Variants in OARD1 observed in about 807,000 individuals in gnomAD.
The protein encoded by OARD1 is ADP-ribose glycohydrolase OARD1.
A neutral mutation model predicts 19.7 loss-of-function variants in OARD1; 19 were observed. The observed-to-expected ratio is 0.96, with a 90% CI of 0.67 to 1.41. The LOEUF (loss-of-function observed/expected upper bound fraction) is 1.41. Ranked by LOEUF, OARD1 falls within the 40% of genes most tolerant of loss-of-function variation. OARD1 has a pLI of 0.00. For synonymous variants in OARD1, 70 were observed against 61.8 expected (o/e 1.13, Z -0.62); for missense variants, 190 against 183.8 (o/e 1.03, Z -0.20).
chr6:41,091,523 T>TA, intron 1 of OARD1: 1 of 1,612,746 alleles, frequency 6.2e-7, no homozygotes, highest in Non-Finnish European at 8.5e-7. Context: ...TTTGTTTTCT[T>TA]AAAGTTACAG....
intron 3 of OARD1, 105 bp downstream of exon 3, chr6:41,071,027 T>C (rs536472067): frequency 2.5e-6 from 3 of 1,212,004 alleles, no homozygotes; most frequent in Non-Finnish European, 3.7e-6. Context: ...TTAAAAACAT[T>C]TGGTTCTTAG....
intron 1 of OARD1, among the ~76,000 whole-genome samples, chr6:41,084,574 AAAT>A (rs749967221): frequency 2.9e-4 from 44 of 152,398 alleles, no homozygotes; most frequent in Non-Finnish European, 4.4e-4. Context: ...AGGATAAATA[AAAT>A]CTAGATTGTT....
intron 1 of OARD1, chr6:41,089,772 T>G: frequency 1.3e-6 from 2 of 1,575,720 alleles, no homozygotes; most frequent in Non-Finnish European, 1.7e-6. Flanking sequence ...GATAACTGAG[T>G]CAGATATTTC....
chr6:41,093,535 A>C (rs1582036617), intron 1 of OARD1, among the ~76,000 whole-genome samples: 1 of 151,804 alleles, frequency 6.6e-6, no homozygotes, highest in African/African-American at 2.4e-5. Flanking sequence ...CAGTGGCACA[A>C]TCTCAGCTCA....
At chr6:41,080,431 G>A (rs1485023161) in intron 1 of OARD1, among the ~76,000 whole-genome samples, 1 of 152,096 alleles carries the variant, frequency 6.6e-6, no homozygotes, top group Non-Finnish European at 1.5e-5. Flanking sequence ...ATTTTTTATG[G>A]TAGTTTCAGG....
At chr6:41,090,258 C>T in intron 1 of OARD1, 1 of 1,614,000 alleles carries the variant, frequency 6.2e-7, no homozygotes, top group South Asian at 1.1e-5. Flanking sequence ...TGCTGAAGGG[C>T]AGACCATCGT....
chr6:41,086,305 A>T (rs1217722392), intron 1 of OARD1, among the ~76,000 whole-genome samples: 1 of 152,200 alleles, frequency 6.6e-6, no homozygotes, highest in Non-Finnish European at 1.5e-5. Flanking sequence ...TTTATATGAG[A>T]TGATATCTAG....
chr6:41,090,183 G>GT, intron 1 of OARD1: 1 of 1,505,916 alleles, frequency 6.6e-7, no homozygotes, highest in African/African-American at 1.4e-5. Context: ...GTTGAATTGT[G>GT]TCATTACTTA....
chr6:41,090,688 G>T (rs75139468), intron 1 of OARD1, among the ~76,000 whole-genome samples: 216 of 152,280 alleles, frequency 1.4e-3, no homozygotes, highest in African/African-American at 5.0e-3. Flanking sequence ...TACTTTAAAT[G>T]ACTATTATGT....
upstream of OARD1, chr6:41,072,903 GGCCTCAGAGGC>G (rs1763547740): frequency 1.3e-5 from 2 of 153,416 alleles, no homozygotes; most frequent in Non-Finnish European, 2.9e-5. Flanking sequence ...TAGTGGGCGT[GGCCTCAGAGGC>G]GCCTGCGCGG....
rs1763038624 is a variant in OARD1 at position 41,066,954 on chromosome 6, T to A, written c.*381A>T. The A allele has an allele frequency of 6.5e-6, 1 of 154,668 alleles. No homozygotes were observed. The highest frequency in any genetic ancestry group is 2.4e-5 in the African/African-American group (1 of 41,502). 9.6% of individuals were successfully genotyped at this position (154,668 alleles called of 1,614,324 possible). On this transcript the variant is annotated 3_prime_UTR_variant, in exon 6 of 6. Coordinates refer to ENST00000424266, the MANE Select transcript of OARD1 (RefSeq NM_001329686.2). The stretch of plus-strand genomic sequence containing the variant: ...GCACAAACGACAAAAAATGCCAAAC[T>A]AACTGGAATGATCATCCTTCCTGAA...
At chr6:41,076,087 T>C (rs763851338), upstream of OARD1, among the ~76,000 whole-genome samples, 59 of 152,134 alleles carry the variant, frequency 3.9e-4, 3 homozygotes, top group Non-Finnish European at 1.5e-4. Context: ...AGTGAGCCAA[T>C]GCTGGGAATT....
chr6:41,073,056 C>G (rs1434592005), upstream of OARD1: 1 of 153,852 alleles, frequency 6.5e-6, no homozygotes, highest in African/African-American at 2.4e-5. Context: ...CCAATCAGCG[C>G]GGGCAGCGAA....
chr6:41,097,427 G>T, intron 1 of OARD1: 1 of 1,613,146 alleles, frequency 6.2e-7, no homozygotes, highest in South Asian at 1.1e-5. Flanking sequence ...GCCATGTGAT[G>T]GAGCTGATCA....
At position 41,094,164 on chromosome 6, in the gene OARD1, T is replaced by A. The variant is rs115797986; in HGVS notation, c.-42+3549A>T. 7.6e-3 allele frequency among the ~76,000 whole-genome samples: 1,159 copies of A among 152,148 alleles called. 9 individuals carry two copies. The highest frequency in any genetic ancestry group is 0.019 in the African/African-American group (793 of 41,480). ...GTAGGTGGTAGTCTGTTATTTTTTTTAAAAAAAATTCATACTATAAGCATT... is the reference window on the plus strand; with the variant it reads ...GTAGGTGGTAGTCTGTTATTTTTTTAAAAAAAAATTCATACTATAAGCATT... On this transcript the variant is annotated intron_variant, in intron 1 of 4. Coordinates refer to the OARD1 transcript ENST00000480585.
chr6:41,076,677 C>A (rs560594561), upstream of OARD1, among the ~76,000 whole-genome samples: 21 of 152,322 alleles, frequency 1.4e-4, no homozygotes, highest in Middle Eastern at 3.4e-3. Context: ...ATTTGTTTCT[C>A]TCTCTTTGAG....
rs1031577770 is a variant in OARD1 at position 41,089,518 on chromosome 6, G to A, written c.-42+8195C>T. ...TTCTAGAGAAATGTGGATAACTCTC[G>A]GGGACCAAAGGAGACCAGTGTCAGT... is the stretch of plus-strand genomic sequence containing the variant. On this transcript the variant is annotated intron_variant, in intron 1 of 4. Coordinates refer to the OARD1 transcript ENST00000480585. 79 of 1,457,366 alleles carry A rather than the reference G, an allele frequency of 5.4e-5. No individual in the cohort carries two copies. In the African/African-American group the frequency reaches 6.6e-4, roughly 12 times the overall value. 90.3% of individuals were successfully genotyped at this position (1,457,366 alleles called of 1,614,324 possible). A position where few individuals can be genotyped will look rare whatever the true frequency, so the allele number is the denominator to read the frequency against.
rs1300700178 is a variant in OARD1 at position 41,065,530 on chromosome 6, C to G, written c.*1805G>C. ...AATTTTGTGTATTTAGATAATCTCT[C>G]CTTCCTTTTTCCCTTCAACTTTATG... On this transcript the variant is annotated 3_prime_UTR_variant, in exon 6 of 6. Transcript: ENST00000424266. 6.6e-6 allele frequency: 1 copy of G among 152,214 alleles called. No individual in the cohort carries two copies. Among genetic ancestry groups the G allele is most frequent in the Non-Finnish European group, 1.5e-5 (1 of 68,040 alleles). The allele number at this position is 152,214 out of a possible 1,614,324, so 9.4% of individuals were successfully genotyped here. A position where few individuals can be genotyped will look rare whatever the true frequency, so the allele number is the denominator to read the frequency against.
intron 1 of OARD1, among the ~76,000 whole-genome samples, chr6:41,082,249 C>T (rs749800987): frequency 2.6e-5 from 4 of 152,134 alleles, no homozygotes; most frequent in Admixed American, 6.6e-5. Context: ...TAAATTAAGC[C>T]GAAAGAAACT....
Sources: allele counts gnomAD v4.1 joint callset (sites outside exome capture counted in the v4.1 genomes callset), GRCh38; gene constraint gnomAD v4.1.1; transcripts MANE v1.5; gene names NCBI Gene and HGNC (gene_info 2026-07-23, HGNC 2026-07-21).